The following MFAP1 variants were observed in gnomAD, a reference collection of about 807,000 sequenced individuals.
MFAP1 encodes the protein microfibril associated protein 1.
A neutral mutation model predicts 62.2 loss-of-function variants in MFAP1; 18 were observed. That is an observed-to-expected ratio of 0.29 (90% confidence interval 0.20 to 0.43). The LOEUF (loss-of-function observed/expected upper bound fraction) is 0.43. Ranked by LOEUF, MFAP1 falls within the 20% of genes least tolerant of loss-of-function variation. The pLI is 1.00. For missense variants in MFAP1, 355 were observed against 559.7 expected (o/e 0.63, Z 3.69); for synonymous variants, 175 against 180.4 (o/e 0.97, Z 0.24).
chr15:43,820,999 G>T (rs2087463693), intron 1 of MFAP1, among the ~76,000 whole-genome samples: 1 of 152,098 alleles, frequency 6.6e-6, no homozygotes, highest in Non-Finnish European at 1.5e-5. Context: ...TCAACCTCCT[G>T]GGCTAAAGTG....
chr15:43,805,342 C>A, intron 8 of MFAP1, 34 bp downstream of exon 8: 1 of 1,604,670 alleles, frequency 6.2e-7, no homozygotes, highest in Non-Finnish European at 8.5e-7. Flanking sequence ...CAATACATCA[C>A]TTTTCTCTGT....
chr15:43,822,536 G>T (rs1217130948), intron 1 of MFAP1, among the ~76,000 whole-genome samples: 4 of 152,044 alleles, frequency 2.6e-5, no homozygotes, highest in Non-Finnish European at 5.9e-5. Flanking sequence ...ATCACACCCG[G>T]CTAATTTTTG....
chr15:43,823,062 C>A (rs1279212341), intron 1 of MFAP1, among the ~76,000 whole-genome samples: 4 of 151,884 alleles, frequency 2.6e-5, no homozygotes, highest in Middle Eastern at 3.4e-3. Flanking sequence ...GTCTCGAACT[C>A]TTGACCTCAG....
intron 2 of MFAP1, 84 bp from the exon 3 acceptor site, chr15:43,815,158 T>C: frequency 6.4e-7 from 1 of 1,562,536 alleles, no homozygotes. Flanking sequence ...ACAGAGCACA[T>C]TATGTTTGCC....
chr15:43,817,113 G>C (rs1427405570), intron 2 of MFAP1, 116 bp downstream of exon 2: 12 of 1,045,160 alleles, frequency 1.1e-5, no homozygotes, highest in Admixed American at 2.4e-5. Context: ...TTATTGTATG[G>C]ATTACAAGAA....
intron 1 of MFAP1, among the ~76,000 whole-genome samples, chr15:43,818,564 T>C (rs1277810346): frequency 6.6e-6 from 1 of 151,068 alleles, no homozygotes; most frequent in African/African-American, 2.4e-5. Context: ...TATTAGAATT[T>C]AGCCCAAGAC....
At chr15:43,816,212 T>A (rs537708895) in intron 2 of MFAP1, among the ~76,000 whole-genome samples, 4 of 151,654 alleles carry the variant, frequency 2.6e-5, no homozygotes, top group African/African-American at 9.7e-5. Flanking sequence ...TTTTCCCCCC[T>A]GGGCACTGTA....
Position 43,814,674 on chromosome 15 carries a change from C to T in MFAP1, c.444G>A (p.Arg148=), listed in dbSNP as rs879213661. Residue 148 remains arginine, a synonymous_variant, in exon 4 of 9, where the codon CGG becomes CGA. Transcript: ENST00000267812. The part of the protein sequence containing the change: ...EEIDDEEIER[R]RGMMRQRAQE... ...GTGCTCGCTGACGCATCATGCCACG[C>T]CGCCGCTCTATTTCCTATCAAGTCA... is the stretch of plus-strand genomic sequence containing the variant. 3 of 1,613,982 alleles carry T rather than the reference C, an allele frequency of 1.9e-6. No individual in the cohort carries two copies. In the South Asian group the frequency reaches 3.3e-5, roughly 18 times the overall value.
chr15:43,822,265 G>C (rs1389085587), intron 1 of MFAP1, among the ~76,000 whole-genome samples: 2 of 150,380 alleles, frequency 1.3e-5, no homozygotes, highest in Non-Finnish European at 2.9e-5. Context: ...AGAATAATGA[G>C]ATACCATTTC....
chr15:43,811,617 C>G lies in MFAP1; in HGVS notation c.887+1370G>C, dbSNP rs758326475. Among the ~76,000 whole-genome samples, 50 of 151,166 alleles carry G rather than the reference C, an allele frequency of 3.3e-4. 1 individual carries two copies. Among genetic ancestry groups the G allele is most frequent in the Non-Finnish European group, 6.3e-4 (43 of 67,852 alleles). On this transcript the variant is annotated intron_variant, in intron 6 of 8. Coordinates refer to ENST00000267812, the MANE Select transcript of MFAP1 (RefSeq NM_005926.3). ...CTGCCTGCCGGGTTCAAGCGATTCT[C>G]TTGCCTCCGCCTCCCGAGTAGCTGG...
At chr15:43,805,611 A>C in intron 7 of MFAP1, 146 bp from the exon 8 acceptor site, 1 of 638,390 alleles carries the variant, frequency 1.6e-6, no homozygotes, top group Non-Finnish European at 2.6e-6. Context: ...TGAAGAGATG[A>C]CATTCTTTTT....
chr15:43,815,096 T>A (rs2087425745), intron 2 of MFAP1, 22 bp from the exon 3 acceptor site: 11 of 1,613,584 alleles, frequency 6.8e-6, no homozygotes, highest in Non-Finnish European at 9.3e-6. Flanking sequence ...TATCTCCAAA[T>A]GTAACACCAA....
intron 7 of MFAP1, among the ~76,000 whole-genome samples, chr15:43,808,126 T>C (rs1208898703): frequency 2.6e-5 from 4 of 152,226 alleles, no homozygotes; most frequent in Non-Finnish European, 4.4e-5. Context: ...AGTGATAATA[T>C]TACAATGCTG....
At position 43,809,959 on chromosome 15, in the gene MFAP1, G is replaced by C. The variant is rs760712590; in HGVS notation, c.888-45C>G. 3.1e-6 allele frequency: 5 copies of C among 1,601,196 alleles called. No homozygotes were observed. In the South Asian group the frequency reaches 4.4e-5, roughly 14 times the overall value. On this transcript the variant is annotated intron_variant, in intron 6 of 8. Transcript: ENST00000267812. Reference sequence around the variant, plus strand: ...ATTTATTGGTACTGTTACAGCTTCAGAAAGACCAAATTATCTGAAAATAAC... The same window carrying C: ...ATTTATTGGTACTGTTACAGCTTCACAAAGACCAAATTATCTGAAAATAAC...
Position 43,814,493 on chromosome 15 carries a change from ATACT to A in MFAP1, c.617+4_617+7del. 1.9e-6 allele frequency: 3 copies of A among 1,602,208 alleles called. No homozygotes were observed. The highest frequency in any genetic ancestry group is 1.3e-5 in the African/African-American group (1 of 74,598). ...AGTGGATTCAGATCTGGCTTGTGAG[ATACT>A]TACTTTCGAATGAAGACTGGCTTAA... is the stretch of plus-strand genomic sequence containing the variant. On this transcript the variant is annotated splice_donor_5th_base_variant and intron_variant, in intron 4 of 8. Coordinates refer to ENST00000267812, the MANE Select transcript of MFAP1 (RefSeq NM_005926.3).
intron 6 of MFAP1, among the ~76,000 whole-genome samples, chr15:43,811,036 T>C (rs531159407): frequency 6.6e-6 from 1 of 150,952 alleles, no homozygotes; most frequent in South Asian, 2.1e-4. Flanking sequence ...ATTACAGGCG[T>C]GAGCCACCAC....
intron 1 of MFAP1, among the ~76,000 whole-genome samples, 197 bp from the exon 2 acceptor site, chr15:43,817,645 G>A (rs2087441422): frequency 6.6e-6 from 1 of 152,118 alleles, no homozygotes; most frequent in South Asian, 2.1e-4. Flanking sequence ...GCATCCTTGT[G>A]AAAGCCAACA....
intron 1 of MFAP1, among the ~76,000 whole-genome samples, chr15:43,824,123 G>A (rs1291784721): frequency 6.6e-6 from 1 of 150,976 alleles, no homozygotes; most frequent in African/African-American, 2.4e-5. Flanking sequence ...TGTAATTAGT[G>A]ATATTATATT....
chr15:43,819,798 G>A (rs1363573787), intron 1 of MFAP1, among the ~76,000 whole-genome samples: 2 of 152,316 alleles, frequency 1.3e-5, no homozygotes, highest in East Asian at 3.9e-4. Flanking sequence ...ATCATAAAGT[G>A]CTGGGATTTC....
Sources: gnomAD v4.1 joint callset for allele counts (sites outside exome capture counted in the v4.1 genomes callset) on GRCh38, gnomAD v4.1.1 for gene constraint, MANE v1.5 for transcripts, NCBI Gene and HGNC (gene_info 2026-07-23, HGNC 2026-07-21) for gene names.